Variants in CCDC57 observed in about 807,000 individuals in gnomAD.
CCDC57 encodes the protein coiled-coil domain-containing protein 57.
In CCDC57, 118 loss-of-function variants were observed where a neutral mutation model predicts 118.9. The observed-to-expected ratio is 0.99, with a 90% CI of 0.86 to 1.16. CCDC57 has a LOEUF of 1.16. CCDC57 is among the 50% of genes most tolerant of loss of function. The pLI is 0.00. For missense variants in CCDC57, 1,300 were observed against 1,320.7 expected (o/e 0.98, Z 0.24); for synonymous variants, 527 against 532.9 (o/e 0.99, Z 0.15).
chr17:82,205,027 C>T (rs1251900368), intron 2 of CCDC57, among the ~76,000 whole-genome samples: 12 of 152,246 alleles, frequency 7.9e-5, no homozygotes, highest in Non-Finnish European at 1.3e-4. Flanking sequence ...ACCCCAGTGT[C>T]GGGTGTAGTG....
chr17:82,140,066 T>C (rs1016917434), intron 16 of CCDC57, among the ~76,000 whole-genome samples: 1 of 152,202 alleles, frequency 6.6e-6, no homozygotes, highest in Non-Finnish European at 1.5e-5. Context: ...AACAGAACAT[T>C]TGTAAGTGAT....
chr17:82,101,508 A>G (rs1410152495), downstream of CCDC57: 1 of 584,142 alleles, frequency 1.7e-6, no homozygotes, highest in Non-Finnish European at 3.0e-6. Context: ...CCCTGTGCTC[A>G]GGGAGGCCTT....
chr17:82,118,451 C>T lies in CCDC57; in HGVS notation c.2899+9241G>A, dbSNP rs2036210751. On this transcript the variant is annotated intron_variant, in intron 19 of 19. Transcript: ENST00000665763. The surrounding 1 kb of genome is among the most constrained non-coding windows in gnomAD (Gnocchi z 4.7). ...GATGGGGTTTGGAACATCCTTTGCC[C>T]CAGCGAGGTGCGAGGTGCTCCGGAA... Among the ~76,000 whole-genome samples the T allele has an allele frequency of 6.6e-6, 1 of 152,172 alleles. No homozygotes were observed. Among genetic ancestry groups the T allele is most frequent in the Non-Finnish European group, 1.5e-5 (1 of 68,044 alleles).
At chr17:82,129,419 G>A (rs535804661) in intron 17 of CCDC57, among the ~76,000 whole-genome samples, 29 of 152,226 alleles carry the variant, frequency 1.9e-4, no homozygotes, top group Non-Finnish European at 3.8e-4. Context: ...ATGGACAATA[G>A]ATGGCCTGCA....
chr17:82,170,570 C>CAT (rs2044562119), intron 13 of CCDC57, among the ~76,000 whole-genome samples: 1 of 150,466 alleles, frequency 6.6e-6, no homozygotes, highest in East Asian at 2.0e-4. Context: ...GGAGGAGTCA[C>CAT]GTGAGCACGC....
At chr17:82,101,504 G>C (rs545517541), downstream of CCDC57, 7 of 582,682 alleles carry the variant, frequency 1.2e-5, no homozygotes, top group African/African-American at 9.6e-5. Flanking sequence ...TGGGCCCTGT[G>C]CTCAGGGAGG....
intron 19 of CCDC57, among the ~76,000 whole-genome samples, chr17:82,109,908 TA>T (rs1200324214): frequency 6.6e-6 from 1 of 150,646 alleles, no homozygotes; most frequent in African/African-American, 2.4e-5. Context: ...AAGATCCAGT[TA>T]AAAAGACAGA....
At chr17:82,124,614 G>A (rs534847118) in intron 19 of CCDC57, among the ~76,000 whole-genome samples, 9 of 152,030 alleles carry the variant, frequency 5.9e-5, no homozygotes, top group South Asian at 2.1e-4. Flanking sequence ...GCAACAGAGC[G>A]ACACCTTGTA....
chr17:82,131,972 G>T (rs561455869), intron 17 of CCDC57, among the ~76,000 whole-genome samples: 1 of 151,636 alleles, frequency 6.6e-6, no homozygotes, highest in South Asian at 2.1e-4. Flanking sequence ...AAAAAATAAG[G>T]CCAGGCATGC....
Position 82,163,908 on chromosome 17 carries a change from C to T in CCDC57, c.1883-551G>A, listed in dbSNP as rs574972332. Among the ~76,000 whole-genome samples the T allele has an allele frequency of 1.4e-4, 21 of 152,278 alleles. No individual in the cohort carries two copies. In the South Asian group the frequency reaches 4.4e-3, roughly 32 times the overall value. On this transcript the variant is annotated intron_variant, in intron 13 of 19. Coordinates refer to ENST00000665763, the Ensembl canonical transcript of CCDC57. ...AAATTAGAGGGGCCAGGTGCAGTGG[C>T]CCATCCCTGTCATCTCATCACGTTG...
At chr17:82,169,676 G>C (rs1201323370) in intron 13 of CCDC57, among the ~76,000 whole-genome samples, 1 of 152,204 alleles carries the variant, frequency 6.6e-6, no homozygotes, top group Non-Finnish European at 1.5e-5. Context: ...GCAGCAATGG[G>C]GGATTGGTTA....
chr17:82,183,134 G>C (rs1457579873), intron 9 of CCDC57, among the ~76,000 whole-genome samples: 1 of 152,208 alleles, frequency 6.6e-6, no homozygotes, highest in Non-Finnish European at 1.5e-5. Flanking sequence ...GGGGGACATA[G>C]AGCCAAATGA....
At position 82,149,992 on chromosome 17, in the gene CCDC57, C is replaced by A. The variant is rs541336266; in HGVS notation, c.2455+1568G>T. Reference sequence around the variant, plus strand: ...AACCTGACCCGCACCCAGAACCAGGCGCACACCCAGAACCAGGCGCACACC... The same window carrying A: ...AACCTGACCCGCACCCAGAACCAGGAGCACACCCAGAACCAGGCGCACACC... On this transcript the variant is annotated intron_variant, in intron 16 of 19. Coordinates refer to ENST00000665763, the Ensembl canonical transcript of CCDC57. Among the ~76,000 whole-genome samples the A allele has an allele frequency of 5.4e-5, 8 of 148,122 alleles. No homozygotes were observed. In the East Asian group the frequency reaches 1.2e-3, roughly 23 times the overall value.
chr17:82,203,415 A>T (rs2049231848), intron 2 of CCDC57, among the ~76,000 whole-genome samples: 1 of 152,216 alleles, frequency 6.6e-6, no homozygotes, highest in South Asian at 2.1e-4. Flanking sequence ...ATACCATCCG[A>T]GAGTACATTC....
At position 82,105,706 on chromosome 17, in the gene CCDC57, AG is replaced by A. The variant is rs374833733; in HGVS notation, c.2900-3841del. 9.4e-3 allele frequency among the ~76,000 whole-genome samples: 1,434 copies of A among 152,254 alleles called. 19 individuals carry two copies. The highest frequency in any genetic ancestry group is 0.033 in the African/African-American group (1,369 of 41,528). On this transcript the variant is annotated intron_variant, in intron 19 of 19. Coordinates refer to ENST00000665763, the Ensembl canonical transcript of CCDC57. ...TGACAACAGGAGAGCAATGGGGTACAGGGGGAGGGAGGCCCACGTGATCTGG... is the reference window on the plus strand; with the variant it reads ...TGACAACAGGAGAGCAATGGGGTACAGGGGAGGGAGGCCCACGTGATCTGG...
chr17:82,186,809 G>A (rs891325987), intron 8 of CCDC57, among the ~76,000 whole-genome samples: 2 of 152,102 alleles, frequency 1.3e-5, no homozygotes, highest in African/African-American at 4.8e-5. Context: ...GAGCATGGTG[G>A]TGCACACCTG....
intron 9 of CCDC57, among the ~76,000 whole-genome samples, chr17:82,180,784 C>A (rs1406754973): frequency 6.6e-6 from 1 of 152,226 alleles, no homozygotes; most frequent in Non-Finnish European, 1.5e-5. Flanking sequence ...CCCACAGATA[C>A]ATTTTTAAAT....
At chr17:82,181,602 A>G (rs2046217350) in intron 9 of CCDC57, among the ~76,000 whole-genome samples, 1 of 152,238 alleles carries the variant, frequency 6.6e-6, no homozygotes, top group African/African-American at 2.4e-5. Context: ...TCTCCAGTAG[A>G]AAAATCAGCC....
chr17:82,121,260 G>C lies in CCDC57; in HGVS notation c.2899+6432C>G, dbSNP rs983160484. ...AGAAAAAATAAATACCAGCCACCCT[G>C]TCTCAGCCTAGGGAGGCAGGGACAT... On this transcript the variant is annotated intron_variant, in intron 19 of 19. Transcript: ENST00000665763. Among the ~76,000 whole-genome samples the C allele has an allele frequency of 2.6e-5, 4 of 152,320 alleles. No individual in the cohort carries two copies. The East Asian group carries it at 5.8e-4, about 22-fold the overall frequency.
Sources: gnomAD v4.1 joint callset for allele counts (sites outside exome capture counted in the v4.1 genomes callset) on GRCh38, gnomAD v4.1.1 for gene constraint, Gnocchi (gnomAD v3.1) non-coding constraint, MANE v1.5 for transcripts, NCBI Gene and HGNC (gene_info 2026-07-23, HGNC 2026-07-21) for gene names.